SLC24A2: variants seen among roughly 807,000 people sequenced by gnomAD.
The protein encoded by SLC24A2 is sodium/potassium/calcium exchanger 2.
Under a neutral mutation model 62.0 loss-of-function variants are expected in SLC24A2, and 36 were observed. The ratio of observed to expected loss-of-function variants is 0.58; its 90% CI spans 0.44 to 0.77. The LOEUF (loss-of-function observed/expected upper bound fraction) is 0.77, where lower values mean the gene tolerates loss of function less well. Among genes scored for constraint, SLC24A2 ranks in the 30% least tolerant of loss-of-function variants. The probability of loss-of-function intolerance (pLI) is 0.00; values close to 1 mark genes in which losing one functional copy is unlikely to be tolerated. For synonymous variants in SLC24A2, 358 were observed against 294.0 expected, an observed-to-expected ratio of 1.22 and a Z score of -2.23; for missense variants, 846 against 817.9, an observed-to-expected ratio of 1.03 and a Z score of -0.42.
the SLC24A2 span, among the ~76,000 whole-genome samples, chr9:19,822,011 A>G: frequency 6.6e-6 from 1 of 152,132 alleles, no homozygotes; most frequent in Non-Finnish European, 1.5e-5. Flanking sequence ...AAGACATTTA[A>G]TGGTATGAGG....
chr9:20,178,321 G>A, the SLC24A2 span, among the ~76,000 whole-genome samples: 3 of 152,178 alleles, frequency 2.0e-5, no homozygotes, highest in Middle Eastern at 3.4e-3. Context: ...TCCTGTCCTC[G>A]GGTGCTAGAC....
the SLC24A2 span, among the ~76,000 whole-genome samples, chr9:19,844,395 C>A: frequency 1.3e-5 from 2 of 152,078 alleles, no homozygotes; most frequent in South Asian, 4.2e-4. Flanking sequence ...TGTTCAAGTT[C>A]CTTATAGACT....
chr9:19,516,863 G>A (rs7032752), intron 10 of SLC24A2, among the ~76,000 whole-genome samples: 1,596 of 152,216 alleles, frequency 0.01, 29 homozygotes, highest in African/African-American at 0.036. Flanking sequence ...GAATAGCAAT[G>A]ACTTAATAGT....
chr9:20,164,253 C>A, the SLC24A2 span, among the ~76,000 whole-genome samples: 1 of 151,724 alleles, frequency 6.6e-6, no homozygotes, highest in Non-Finnish European at 1.5e-5. Context: ...GGCTAATATC[C>A]AGAATCTACA....
chr9:19,933,270 C>A, the SLC24A2 span, among the ~76,000 whole-genome samples: 1 of 152,222 alleles, frequency 6.6e-6, no homozygotes, highest in Middle Eastern at 3.2e-3. Flanking sequence ...ACGGTACTTG[C>A]ACACATACTC....
At chr9:19,555,559 A>C (rs1835046222) in intron 7 of SLC24A2, among the ~76,000 whole-genome samples, 1 of 152,202 alleles carries the variant, frequency 6.6e-6, no homozygotes, top group African/African-American at 2.4e-5. Flanking sequence ...AGTAGCCTCG[A>C]ATCTTGTGAA....
chr9:19,628,248 G>A (rs780004947), intron 2 of SLC24A2, among the ~76,000 whole-genome samples: 1 of 152,158 alleles, frequency 6.6e-6, no homozygotes, highest in Non-Finnish European at 1.5e-5. Context: ...GAGCTCCTCA[G>A]CTGCTTGTGT....
intron 2 of SLC24A2, among the ~76,000 whole-genome samples, chr9:19,673,947 T>C (rs1037323178): frequency 1.4e-4 from 21 of 152,186 alleles, no homozygotes; most frequent in African/African-American, 2.4e-4. Context: ...TGTTTATTTA[T>C]TGTATTTTTG....
At chr9:20,051,379 A>C in the SLC24A2 span, among the ~76,000 whole-genome samples, 1 of 152,130 alleles carries the variant, frequency 6.6e-6, no homozygotes, top group Non-Finnish European at 1.5e-5. Context: ...TACAAGAAGA[A>C]ACAGATAATA....
the SLC24A2 span, among the ~76,000 whole-genome samples, chr9:20,202,397 CTT>C: frequency 6.6e-6 from 1 of 152,112 alleles, no homozygotes; most frequent in Non-Finnish European, 1.5e-5. Flanking sequence ...GCCAGAGTGT[CTT>C]TGTTCTTCAC....
At chr9:19,559,599 G>T (rs1366295938) in intron 7 of SLC24A2, among the ~76,000 whole-genome samples, 1 of 152,206 alleles carries the variant, frequency 6.6e-6, no homozygotes, top group Non-Finnish European at 1.5e-5. Context: ...TACCAAAAGT[G>T]CATAGTCACA....
intron 8 of SLC24A2, among the ~76,000 whole-genome samples, chr9:19,543,014 C>A (rs1196334381): frequency 6.6e-6 from 1 of 152,196 alleles, no homozygotes; most frequent in Non-Finnish European, 1.5e-5. Context: ...AGGAATGGTA[C>A]CAGCTCCTCT....
At chr9:19,588,227 A>G (rs994359840) in intron 5 of SLC24A2, among the ~76,000 whole-genome samples, 7 of 137,736 alleles carry the variant, frequency 5.1e-5, no homozygotes, top group African/African-American at 1.7e-4. Context: ...GAGAACATCT[A>G]TTCAAGTGCC....
chr9:19,935,823 A>T, the SLC24A2 span, among the ~76,000 whole-genome samples: 3 of 152,208 alleles, frequency 2.0e-5, no homozygotes, highest in Non-Finnish European at 4.4e-5. Flanking sequence ...ATAGACCTGT[A>T]AACCTCATCC....
intron 2 of SLC24A2, among the ~76,000 whole-genome samples, chr9:19,770,336 A>G (rs1382593321): frequency 2.0e-5 from 3 of 152,102 alleles, no homozygotes; most frequent in African/African-American, 7.2e-5. Context: ...GATTAAAATC[A>G]TACCCAAATA....
At chr9:19,531,701 C>G (rs918166742) in intron 8 of SLC24A2, among the ~76,000 whole-genome samples, 2 of 141,814 alleles carry the variant, frequency 1.4e-5, no homozygotes, top group South Asian at 5.2e-4. Flanking sequence ...GACCCCCCCC[C>G]ACCCCCCAAA....
the SLC24A2 span, among the ~76,000 whole-genome samples, chr9:20,133,598 A>C: frequency 6.6e-6 from 1 of 152,188 alleles, no homozygotes; most frequent in Non-Finnish European, 1.5e-5. Context: ...ATAACAAACA[A>C]GAAAGATTAA....
chr9:19,957,507 T>C, the SLC24A2 span: 2 of 152,244 alleles, frequency 1.3e-5, no homozygotes, highest in East Asian at 1.9e-4. Context: ...GGCCTGGATA[T>C]AACCTGAGCA....
chr9:19,525,990 G>T (rs1338241567), intron 9 of SLC24A2, among the ~76,000 whole-genome samples: 1 of 152,042 alleles, frequency 6.6e-6, no homozygotes, highest in East Asian at 1.9e-4. Context: ...CCCACTGGCA[G>T]TCACTCCCCA....
Sources: gnomAD v4.1 joint callset for allele counts (sites outside exome capture counted in the v4.1 genomes callset) on GRCh38, gnomAD v4.1.1 for gene constraint, MANE v1.5 for transcripts, NCBI Gene and HGNC (gene_info 2026-07-23, HGNC 2026-07-21) for gene names.